Variants in SLC26A8 observed in about 807,000 individuals in gnomAD.
SLC26A8 encodes testis anion transporter 1.
Under a neutral mutation model 105.0 loss-of-function variants are expected in SLC26A8, and 70 were observed. The observed-to-expected ratio is 0.67, with a 90% CI of 0.55 to 0.81. The LOEUF (loss-of-function observed/expected upper bound fraction) is 0.81, where lower values mean the gene tolerates loss of function less well. Among genes scored for constraint, SLC26A8 ranks in the 40% least tolerant of loss-of-function variants. The pLI, the probability that SLC26A8 is intolerant of heterozygous loss-of-function variation, is 0.00. For synonymous variants in SLC26A8, 415 were observed against 438.3 expected, an observed-to-expected ratio of 0.95 and a Z score of 0.66; for missense variants, 998 against 1,181.8, an observed-to-expected ratio of 0.84 and a Z score of 2.28.
At chr6:35,951,100 C>A in intron 19 of SLC26A8, 63 bp downstream of exon 19, 5 of 1,364,738 alleles carry the variant, frequency 3.7e-6, no homozygotes, top group South Asian at 1.2e-5. Flanking sequence ...AACCACCCCT[C>A]ACCCATCCCC....
Position 35,991,728 on chromosome 6 carries a change from C to T in SLC26A8, c.873G>A (p.Leu291=), listed in dbSNP as rs1158986779. The change falls in exon 7 of 20, where the codon CTG becomes CTA. Residue 291 remains leucine, a synonymous_variant. Transcript: ENST00000490799. ...ILVFLTVVVA[L]RINKCIRISF... is the part of the protein sequence containing the mutation. ...AAATTCTGATACATTTGTTGATTCGCAGAGCAACAACAACAGTTAGAAATA... is the reference window on the plus strand; with the variant it reads ...AAATTCTGATACATTTGTTGATTCGTAGAGCAACAACAACAGTTAGAAATA... The T allele has an allele frequency of 2.5e-6, 4 of 1,606,872 alleles. No individual in the cohort carries two copies. Among genetic ancestry groups the T allele is most frequent in the Non-Finnish European group, 3.4e-6 (4 of 1,177,340 alleles).
At chr6:35,970,640 C>T (rs148832529) in intron 10 of SLC26A8, among the ~76,000 whole-genome samples, 30 of 152,294 alleles carry the variant, frequency 2.0e-4, no homozygotes, top group African/African-American at 5.8e-4. Flanking sequence ...AAATCTATAT[C>T]AGGCCTTTTC....
At position 35,977,348 on chromosome 6, in the gene SLC26A8, A is replaced by C. The variant is rs1773078883; in HGVS notation, c.1029T>G (p.Phe343Leu). Residue 343 changes from phenylalanine to leucine, a missense_variant, in exon 9 of 20, where the codon TTT becomes TTG. Phe to Leu is a conservative substitution (Grantham distance 22). Transcript: ENST00000490799. ...QTLIDMIPYS[F>L]LLPVTPDFSL... ...TGAAATCTGGTGTTACAGGAAGCAG[A>C]AAGCTGGAATAGAATAGTGGAATTA... The C allele has an allele frequency of 6.2e-7, 1 of 1,613,110 alleles. No individual in the cohort carries two copies. Among genetic ancestry groups the C allele is most frequent in the East Asian group, 2.2e-5 (1 of 44,870 alleles).
intron 15 of SLC26A8, 32 bp from the exon 16 acceptor site, chr6:35,959,623 AG>A: frequency 1.2e-6 from 2 of 1,609,492 alleles, no homozygotes; most frequent in Non-Finnish European, 8.5e-7. Context: ...ATCCAGAGGA[AG>A]AATGGTGGAA....
In SLC26A8 at chr6:35,991,801, A is replaced by T; in HGVS notation, c.800T>A (p.Ile267Asn). Residue 267 changes from isoleucine to asparagine, a missense_variant, in exon 7 of 20, where the codon ATT becomes AAT. By Grantham distance (149) the Ile-to-Asn change is moderately radical. Coordinates refer to ENST00000490799, the MANE Select transcript of SLC26A8 (RefSeq NM_052961.4). ...TTTTGGGAGAGCTACACAGTAATTA[A>T]TTATGTCCTGAAAGAAAATAAAATT... ...AGPISFFYDI[I>N]NYCVALPKAN... 1 of 1,586,686 alleles carries T rather than the reference A, an allele frequency of 6.3e-7. No homozygotes were observed. Among genetic ancestry groups the T allele is most frequent in the Non-Finnish European group, 8.5e-7 (1 of 1,170,944 alleles).
intron 3 of SLC26A8, among the ~76,000 whole-genome samples, chr6:36,010,767 G>A (rs1266127749): frequency 6.6e-6 from 1 of 151,978 alleles, no homozygotes; most frequent in Non-Finnish European, 1.5e-5. Flanking sequence ...TCAAACTCCT[G>A]ATCTCAATCA....
At chr6:35,951,596 T>C in intron 17 of SLC26A8, 97 bp from the exon 18 acceptor site, 1 of 1,345,402 alleles carries the variant, frequency 7.4e-7, no homozygotes, top group South Asian at 1.2e-5. Flanking sequence ...TTTTGGTTTT[T>C]TGTGACAGAG....
In SLC26A8 at chr6:35,977,289, G is replaced by T. The variant is rs1562039090; in HGVS notation, c.1088C>A (p.Ser363Tyr). ...CAGAAAGGAGCTCACCAAAGATAAG[G>T]AGAAGGCTTGTAAAATTATCTTGGG... The part of the protein sequence containing the change: ...LLPKIILQAF[S>Y]LSLVSSFLLI... Residue 363 changes from serine (S) to tyrosine (Y), a missense_variant, in exon 9 of 20, where the codon TCC becomes TAC. By Grantham distance (144) the Ser-to-Tyr change is moderately radical (BLOSUM62 -2). Coordinates refer to ENST00000490799, the MANE Select transcript of SLC26A8 (RefSeq NM_052961.4). 1 of 1,614,084 alleles carries T rather than the reference G, an allele frequency of 6.2e-7. No homozygotes were observed.
At chr6:35,958,954 G>A (rs952333154) in intron 16 of SLC26A8, among the ~76,000 whole-genome samples, 8 of 152,150 alleles carry the variant, frequency 5.3e-5, no homozygotes, top group South Asian at 2.1e-4. Flanking sequence ...CTGAAATAGC[G>A]GCCTGTGCTC....
chr6:36,023,540 C>A (rs1179063372), intron 1 of SLC26A8, among the ~76,000 whole-genome samples: 3 of 115,272 alleles, frequency 2.6e-5, no homozygotes, highest in African/African-American at 1.1e-4. Context: ...GAGCAAGACT[C>A]TGTCTCAAAA....
At chr6:35,988,273 A>G (rs1407418066) in intron 7 of SLC26A8, among the ~76,000 whole-genome samples, 5 of 152,182 alleles carry the variant, frequency 3.3e-5, no homozygotes, top group Non-Finnish European at 7.3e-5. Flanking sequence ...TATTGATGAA[A>G]ATATCTTTAT....
chr6:35,970,388 T>A (rs912971825), intron 10 of SLC26A8, among the ~76,000 whole-genome samples: 1 of 152,194 alleles, frequency 6.6e-6, no homozygotes, highest in Non-Finnish European at 1.5e-5. Flanking sequence ...GTGAGTGGCC[T>A]GATATGGAAA....
intron 11 of SLC26A8, among the ~76,000 whole-genome samples, chr6:35,966,106 G>T (rs370377213): frequency 4.9e-4 from 75 of 152,192 alleles, no homozygotes; most frequent in African/African-American, 1.7e-3. Context: ...CTCTGCCTGG[G>T]AATTAGAACT....
At chr6:35,965,030 T>G (rs1581638652) in intron 11 of SLC26A8, among the ~76,000 whole-genome samples, 1 of 151,698 alleles carries the variant, frequency 6.6e-6, no homozygotes. Flanking sequence ...AACAAAAATG[T>G]AGACAACCTA....
intron 13 of SLC26A8, 26 bp from the exon 14 acceptor site, chr6:35,960,938 G>A: frequency 1.2e-6 from 2 of 1,613,958 alleles, no homozygotes; most frequent in African/African-American, 1.3e-5. Context: ...CTTGCCTTTA[G>A]GTCAGAGTTG....
chr6:35,950,436 G>A (rs552934088), intron 19 of SLC26A8, among the ~76,000 whole-genome samples: 4 of 151,862 alleles, frequency 2.6e-5, no homozygotes, highest in African/African-American at 7.3e-5. Flanking sequence ...ACAGGTGCCC[G>A]CCACCATGCC....
rs758509513 is a variant in SLC26A8, at chr6:35,944,240, G to A, written c.2573C>T (p.Ser858Leu). 21 of 1,613,856 alleles carry A rather than the reference G, an allele frequency of 1.3e-5. No individual in the cohort carries two copies. Among genetic ancestry groups the A allele is most frequent in the Admixed American group, 8.3e-5 (5 of 59,984 alleles). ...TGATTCCAGCTCCAAATCCAACTCC[G>A]ACTCCTCTTCTACAGGCTGTTGGAT... ...IKIQQPVEEE[S>L]ELDLELESEQ... The change falls in exon 20 of 20, where the codon TCG becomes TTG. Residue 858 changes from serine to leucine, a missense_variant. Ser to Leu is a moderately radical substitution (Grantham distance 145, BLOSUM62 -2). Coordinates refer to ENST00000490799, the MANE Select transcript of SLC26A8 (RefSeq NM_052961.4).
intron 16 of SLC26A8, among the ~76,000 whole-genome samples, chr6:35,958,060 T>G (rs954282707): frequency 2.6e-5 from 4 of 152,236 alleles, no homozygotes; most frequent in African/African-American, 9.6e-5. Flanking sequence ...TGTCGAAGCC[T>G]GTCCATGGAC....
intron 7 of SLC26A8, among the ~76,000 whole-genome samples, chr6:35,985,329 A>C (rs1342128911): frequency 6.6e-5 from 10 of 152,182 alleles, no homozygotes; most frequent in Non-Finnish European, 1.3e-4. Context: ...AAATTGATTG[A>C]GACCTGTGTC....
Sources: gnomAD v4.1 joint callset for allele counts (sites outside exome capture counted in the v4.1 genomes callset) on GRCh38, gnomAD v4.1.1 for gene constraint, MANE v1.5 for transcripts, NCBI Gene and HGNC (gene_info 2026-07-23, HGNC 2026-07-21) for gene names.